ALK: variants seen among roughly 807,000 people sequenced by gnomAD.
The protein encoded by ALK is ALK receptor tyrosine kinase.
ALK carries 74 observed loss-of-function variants against 163.1 expected under a neutral mutation model. The observed-to-expected ratio is 0.45, with a 90% CI of 0.38 to 0.55. ALK has a LOEUF of 0.55. ALK is among the 20% of genes least tolerant of loss of function. The pLI, the probability that ALK is intolerant of heterozygous loss-of-function variation, is 0.00. For synonymous variants in ALK, 960 were observed against 843.2 expected (o/e 1.14, Z -2.40); for missense variants, 2,063 against 2,105.3 (o/e 0.98, Z 0.39).
intron 4 of ALK, among the ~76,000 whole-genome samples, chr2:29,424,986 T>C (rs1670099953): frequency 6.6e-6 from 1 of 152,212 alleles, no homozygotes; most frequent in African/African-American, 2.4e-5. Flanking sequence ...AGGCATTCAC[T>C]GTCTGGTATC....
intron 5 of ALK, among the ~76,000 whole-genome samples, chr2:29,338,561 C>G (rs1004001128): frequency 6.6e-6 from 1 of 152,228 alleles, no homozygotes; most frequent in African/African-American, 2.4e-5. Context: ...GCTTGCTCTT[C>G]TCTCTTGAAG....
chr2:29,492,475 G>C (rs1217310777), intron 4 of ALK, among the ~76,000 whole-genome samples: 1 of 152,172 alleles, frequency 6.6e-6, no homozygotes, highest in East Asian at 1.9e-4. Context: ...AGTGGGAAGA[G>C]GGAATCAGGG....
At chr2:29,352,310 C>T (rs1367210066) in intron 5 of ALK, among the ~76,000 whole-genome samples, 1 of 152,230 alleles carries the variant, frequency 6.6e-6, no homozygotes, top group South Asian at 2.1e-4. Context: ...GTAGAGAGGA[C>T]AGGCAGAAAT....
At chr2:29,816,121 C>T (rs1033953446) in intron 1 of ALK, among the ~76,000 whole-genome samples, 1 of 152,108 alleles carries the variant, frequency 6.6e-6, no homozygotes, top group Non-Finnish European at 1.5e-5. Flanking sequence ...GTAGGCTATT[C>T]GAGAAGATAA....
intron 12 of ALK, among the ~76,000 whole-genome samples, chr2:29,250,661 A>G (rs1026445874): frequency 1.3e-5 from 2 of 152,210 alleles, no homozygotes; most frequent in Non-Finnish European, 2.9e-5. Context: ...GGAGCGTTCC[A>G]GAACAGTTTG....
At position 29,436,847 on chromosome 2, in the gene ALK, A is replaced by T. The variant is rs147088497; in HGVS notation, c.1155-52988T>A. Among the ~76,000 whole-genome samples the T allele has an allele frequency of 2.2e-3, 329 of 152,302 alleles. 3 individuals are homozygous for T. Among genetic ancestry groups the T allele is most frequent in the African/African-American group, 7.2e-3 (301 of 41,564 alleles). ...TATGGAACATCTGTGCACTGTGATC[A>T]CAGACCAGCCAGAGGAGAAAATGGC... On this transcript the variant is annotated intron_variant, in intron 4 of 28. Coordinates refer to ENST00000389048, the MANE Select transcript of ALK (RefSeq NM_004304.5).
intron 12 of ALK, among the ~76,000 whole-genome samples, chr2:29,243,064 C>G (rs1664564420): frequency 6.6e-6 from 1 of 152,228 alleles, no homozygotes; most frequent in Non-Finnish European, 1.5e-5. Flanking sequence ...CTAGTTGCTA[C>G]TACAGGACTG....
chr2:29,904,243 T>G (rs1667482141), intron 1 of ALK, among the ~76,000 whole-genome samples: 1 of 152,176 alleles, frequency 6.6e-6, no homozygotes, highest in Non-Finnish European at 1.5e-5. Context: ...TCAACATGAA[T>G]AAATAAATAA....
At chr2:29,850,395 T>C (rs538140912) in intron 1 of ALK, among the ~76,000 whole-genome samples, 76 of 152,306 alleles carry the variant, frequency 5.0e-4, no homozygotes, top group African/African-American at 1.8e-3. Context: ...GTGTGTTCAT[T>C]TGAAAAAAAT....
At chr2:29,759,836 T>G (rs541045692) in intron 1 of ALK, among the ~76,000 whole-genome samples, 1 of 152,338 alleles carries the variant, frequency 6.6e-6, no homozygotes, top group African/African-American at 2.4e-5. Flanking sequence ...ATTAATTCAT[T>G]TGTGCATACA....
intron 9 of ALK, among the ~76,000 whole-genome samples, chr2:29,288,959 T>A (rs6547917): frequency 0.49 from 11,689 of 23,866 alleles, 2,138 homozygotes; most frequent in Middle Eastern, 0.75. Flanking sequence ...CTCAAAAAAA[T>A]AAATAAATAA....
intron 4 of ALK, among the ~76,000 whole-genome samples, chr2:29,501,373 G>A (rs1176693608): frequency 6.6e-6 from 1 of 152,194 alleles, no homozygotes; most frequent in East Asian, 1.9e-4. Context: ...ACTTGTCAAA[G>A]CCAAAGGCCT....
intron 3 of ALK, among the ~76,000 whole-genome samples, chr2:29,576,797 G>T (rs551341109): frequency 6.4e-4 from 97 of 151,980 alleles, no homozygotes; most frequent in Non-Finnish European, 1.0e-3. Context: ...CTGCACATTC[G>T]GGGGATCTAG....
intron 9 of ALK, among the ~76,000 whole-genome samples, chr2:29,288,614 T>C (rs1881417): frequency 0.74 from 112,074 of 152,090 alleles, 43,707 homozygotes; most frequent in Non-Finnish European, 0.85. Flanking sequence ...TTTTTGACCA[T>C]GAAAGCATGG....
intron 8 of ALK, among the ~76,000 whole-genome samples, chr2:29,309,940 A>T (rs1233103342): frequency 1.3e-5 from 2 of 152,214 alleles, no homozygotes; most frequent in African/African-American, 4.8e-5. Context: ...TGAGTAACGT[A>T]AGATGAGGGA....
At chr2:29,478,353 G>A (rs920053098) in intron 4 of ALK, among the ~76,000 whole-genome samples, 1 of 152,220 alleles carries the variant, frequency 6.6e-6, no homozygotes, top group Non-Finnish European at 1.5e-5. Context: ...GGGCTTTGCA[G>A]CCCCAGAACA....
intron 1 of ALK, among the ~76,000 whole-genome samples, chr2:29,881,367 A>C (rs1427144307): frequency 6.6e-6 from 1 of 152,200 alleles, no homozygotes; most frequent in South Asian, 2.1e-4. Flanking sequence ...ATCATTAATT[A>C]TGATCTTCCC....
At chr2:29,445,915 C>T (rs1158029203) in intron 4 of ALK, among the ~76,000 whole-genome samples, 2 of 149,392 alleles carry the variant, frequency 1.3e-5, no homozygotes, top group East Asian at 2.0e-4. Flanking sequence ...CCGGCTAAAA[C>T]GGTGAAACCC....
intron 3 of ALK, among the ~76,000 whole-genome samples, chr2:29,568,422 C>T (rs1481398552): frequency 3.9e-5 from 6 of 152,184 alleles, no homozygotes; most frequent in Admixed American, 3.9e-4. Context: ...CGAAATCTAG[C>T]TAGGGAACTG....
Sources: allele counts gnomAD v4.1 joint callset (sites outside exome capture counted in the v4.1 genomes callset), GRCh38; gene constraint gnomAD v4.1.1; transcripts MANE v1.5; gene names NCBI Gene and HGNC (gene_info 2026-07-23, HGNC 2026-07-21).